The following TEF variants were observed in gnomAD, a reference collection of about 807,000 sequenced individuals.
The protein encoded by TEF is thyrotroph embryonic factor.
Under a neutral mutation model 20.8 loss-of-function variants are expected in TEF, and 3 were observed. That is an observed-to-expected ratio of 0.14 (90% CI 0.07 to 0.37). TEF has a LOEUF of 0.37. TEF is among the 10% of genes least tolerant of loss of function. The pLI is 1.00. For missense variants in TEF, 296 were observed against 397.9 expected (o/e 0.74, Z 2.18); for synonymous variants, 180 against 171.1 (o/e 1.05, Z -0.41).
chr22:41,391,946 G>A (rs5758324), intron 2 of TEF, among the ~76,000 whole-genome samples: 2 of 151,842 alleles, frequency 1.3e-5, no homozygotes, highest in Non-Finnish European at 2.9e-5. Context: ...TATATCGTTT[G>A]TATTTATCTT....
At position 41,382,187 on chromosome 22, in the gene TEF, G is replaced by A; in HGVS notation, c.143G>A (p.Arg48His). The A allele has an allele frequency of 4.0e-6, 5 of 1,237,700 alleles. No homozygotes were observed. Among genetic ancestry groups the A allele is most frequent in the Non-Finnish European group, 5.0e-6 (5 of 991,314 alleles). The allele number at this position is 1,237,700 out of a possible 1,614,324, so 76.7% of individuals were successfully genotyped here. A position where few individuals can be genotyped will look rare whatever the true frequency, so the allele number is the denominator to read the frequency against. ...VLKKLMENPP[R>H]EARLDKEKGK... The stretch of plus-strand genomic sequence containing the variant: ...AAGAAGCTGATGGAGAACCCCCCGC[G>A]CGAGGCGCGCCTCGGTGAGGGCGGG... Residue 48 changes from arginine to histidine, a missense_variant, in exon 1 of 4, where the codon CGC (arginine) becomes CAC (histidine). Arg to His is a conservative substitution (Grantham distance 29). Transcript: ENST00000266304.
intron 2 of TEF, among the ~76,000 whole-genome samples, chr22:41,393,573 A>G (rs1008703567): frequency 6.6e-6 from 1 of 152,052 alleles, no homozygotes; most frequent in Non-Finnish European, 1.5e-5. Context: ...TGGCTAACAC[A>G]GTAAAACCTC....
upstream of TEF, among the ~76,000 whole-genome samples, chr22:41,380,162 A>T (rs1455709725): frequency 6.6e-6 from 1 of 151,836 alleles, no homozygotes; most frequent in African/African-American, 2.4e-5. Context: ...TTATTTATTT[A>T]TTTTTTTGAC....
intron 1 of TEF, chr22:41,370,028 C>A (rs2036863062): frequency 2.0e-6 from 2 of 985,310 alleles, no homozygotes; most frequent in Middle Eastern, 5.2e-4. Context: ...ACAGGAAAGT[C>A]TGCGGAGTGT....
intron 1 of TEF, among the ~76,000 whole-genome samples, chr22:41,374,829 T>A (rs564120816): frequency 3.3e-5 from 5 of 149,642 alleles, no homozygotes; most frequent in South Asian, 2.1e-4. Context: ...GAGGAGGAGG[T>A]GGAGGAAGAA....
chr22:41,369,887 G>A, intron 1 of TEF: 8 of 984,884 alleles, frequency 8.1e-6, no homozygotes, highest in Non-Finnish European at 9.6e-6. Context: ...AGTGGAAGGG[G>A]GCAGTTATCT....
chr22:41,368,643 G>A (rs185000490), intron 1 of TEF, among the ~76,000 whole-genome samples: 56 of 152,332 alleles, frequency 3.7e-4, no homozygotes, highest in African/African-American at 1.3e-3. Context: ...CTAGCCCCAG[G>A]GAGACATTGC....
Position 41,392,670 on chromosome 22 carries a change from C to CAA in TEF, c.476-1403_476-1402dup, listed in dbSNP as rs920294546. ...CCCTGGGAAACAGAGTGAGACTCTT[C>CAA]AAAAAAAAAAAAAAAAAAAAAAAAG... On this transcript the variant is annotated intron_variant, in intron 2 of 3. Coordinates refer to ENST00000266304, the MANE Select transcript of TEF (RefSeq NM_003216.4). Among the ~76,000 whole-genome samples the CAA allele has an allele frequency of 2.6e-3, 102 of 39,248 alleles. 2 individuals carry two copies. The highest frequency in any genetic ancestry group is 0.022 in the East Asian group (23 of 1,052). The allele number at this position is 39,248 out of a possible 152,430, so 25.7% of individuals were successfully genotyped here. A position where few individuals can be genotyped will look rare whatever the true frequency, so the allele number is the denominator to read the frequency against.
At chr22:41,395,702 C>T (rs763529065) in intron 3 of TEF, 43 bp from the exon 4 acceptor site, 39 of 1,596,412 alleles carry the variant, frequency 2.4e-5, no homozygotes, top group African/African-American at 1.2e-4. Flanking sequence ...TGGGTTCTCT[C>T]GTGGGGAAAG....
At chr22:41,370,283 T>C (rs2036867761) in intron 1 of TEF, among the ~76,000 whole-genome samples, 1 of 150,782 alleles carries the variant, frequency 6.6e-6, no homozygotes, top group African/African-American at 2.4e-5. Flanking sequence ...CCAGGCTAAT[T>C]TTTGTATTTT....
chr22:41,373,866 C>T (rs1601811357), intron 1 of TEF, among the ~76,000 whole-genome samples: 2 of 150,614 alleles, frequency 1.3e-5, no homozygotes, highest in East Asian at 2.0e-4. Context: ...AGGGTTCAAG[C>T]GATTCTCCCG....
intron 1 of TEF, among the ~76,000 whole-genome samples, chr22:41,382,473 C>T (rs2037045362): frequency 6.6e-6 from 1 of 151,182 alleles, no homozygotes; most frequent in African/African-American, 2.5e-5. Flanking sequence ...AAATGACGCT[C>T]CAGGGCCCCT....
chr22:41,383,364 T>G (rs1212846017), intron 1 of TEF, among the ~76,000 whole-genome samples: 1 of 152,184 alleles, frequency 6.6e-6, no homozygotes, highest in Non-Finnish European at 1.5e-5. Flanking sequence ...TTGTTCCAAA[T>G]CTGGGGCTGA....
chr22:41,370,330 G>C (rs539972868), intron 1 of TEF, among the ~76,000 whole-genome samples: 3 of 150,134 alleles, frequency 2.0e-5, no homozygotes, highest in African/African-American at 7.4e-5. Context: ...GGCCAAGATG[G>C]TCTTTATCTC....
chr22:41,369,227 T>A lies in TEF; in HGVS notation c.67+1628T>A, dbSNP rs112692606. 9,323 of 985,340 alleles carry A rather than the reference T, an allele frequency of 9.5e-3. 660 individuals carry two copies. The African/African-American group carries it at 0.15, about 16-fold the overall frequency. 61.0% of individuals were successfully genotyped at this position (985,340 alleles called of 1,614,324 possible). A position where few individuals can be genotyped will look rare whatever the true frequency, so the allele number is the denominator to read the frequency against. The stretch of plus-strand genomic sequence containing the variant: ...CTGCCGGTCTCTGGCTCCCAGCTGG[T>A]CTGTGGGGCCCTGCAATAGCCGAAA... On this transcript the variant is annotated intron_variant, in intron 1 of 3. Transcript: ENST00000406644.
upstream of TEF, among the ~76,000 whole-genome samples, chr22:41,381,646 G>A (rs927265289): frequency 2.0e-5 from 3 of 152,120 alleles, no homozygotes; most frequent in Non-Finnish European, 2.9e-5. Flanking sequence ...GGAGGGAAGG[G>A]ACCGCGCCGA....
At chr22:41,386,078 G>A (rs1269283055) in intron 1 of TEF, among the ~76,000 whole-genome samples, 1 of 152,158 alleles carries the variant, frequency 6.6e-6, no homozygotes, top group Non-Finnish European at 1.5e-5. Context: ...ACTCGCCTGG[G>A]CCTCTCAAAG....
chr22:41,387,983 C>CTTTTTTTTTTTTTTTTTTTTT lies in TEF; in HGVS notation c.475+327_475+347dup, dbSNP rs530707936. On this transcript the variant is annotated intron_variant, in intron 2 of 3. Coordinates refer to ENST00000266304, the MANE Select transcript of TEF (RefSeq NM_003216.4). The stretch of plus-strand genomic sequence containing the variant: ...CATTCTGCATTTCCTCAATGCTGCT[C>CTTTTTTTTTTTTTTTTTTTTT]TTTTTTTTTTTTTTTTTTTTTTTTT... Among the ~76,000 whole-genome samples the CTTTTTTTTTTTTTTTTTTTTT allele has an allele frequency of 4.0e-5, 2 of 50,078 alleles. 1 individual carries two copies. Among genetic ancestry groups the CTTTTTTTTTTTTTTTTTTTTT allele is most frequent in the Non-Finnish European group, 6.9e-5 (2 of 28,964 alleles). 32.9% of individuals were successfully genotyped at this position (50,078 alleles called of 152,430 possible).
intron 3 of TEF, among the ~76,000 whole-genome samples, chr22:41,395,128 T>C (rs981793895): frequency 6.6e-6 from 1 of 152,130 alleles, no homozygotes; most frequent in Non-Finnish European, 1.5e-5. Flanking sequence ...TGCCTCACCC[T>C]CCTGAGTAGC....
Sources: gnomAD v4.1 joint callset for allele counts (sites outside exome capture counted in the v4.1 genomes callset) on GRCh38, gnomAD v4.1.1 for gene constraint, MANE v1.5 for transcripts, NCBI Gene and HGNC (gene_info 2026-07-23, HGNC 2026-07-21) for gene names.